SCHIP1: variants seen among roughly 807,000 people sequenced by gnomAD.
SCHIP1 encodes the protein schwannomin-interacting protein 1.
In SCHIP1, 8 loss-of-function variants were observed where a neutral mutation model predicts 29.7. That is an observed-to-expected ratio of 0.27 (90% CI 0.16 to 0.49). The LOEUF (loss-of-function observed/expected upper bound fraction) is 0.49. Ranked by LOEUF, SCHIP1 falls within the 20% of genes least tolerant of loss-of-function variation. The pLI is 0.99. For synonymous variants in SCHIP1, 76 were observed against 94.9 expected, an observed-to-expected ratio of 0.80 and a Z score of 1.16; for missense variants, 193 against 294.6, an observed-to-expected ratio of 0.66 and a Z score of 2.52.
the SCHIP1 span, among the ~76,000 whole-genome samples, chr3:159,711,696 T>C: frequency 2.2e-4 from 33 of 152,316 alleles, no homozygotes; most frequent in South Asian, 6.6e-3. Context: ...TCCTGTGTAT[T>C]AGAGTTCTAT....
the SCHIP1 span, among the ~76,000 whole-genome samples, chr3:159,469,685 C>T: frequency 2.1e-4 from 32 of 152,124 alleles, no homozygotes; most frequent in South Asian, 6.4e-3. Context: ...ATTTTCTCTC[C>T]CTCAGACCAA....
the SCHIP1 span, among the ~76,000 whole-genome samples, chr3:159,412,202 T>G: frequency 1.3e-5 from 2 of 152,182 alleles, no homozygotes; most frequent in East Asian, 3.9e-4. Context: ...TGAAACAAGA[T>G]TTTGGACCCA....
At chr3:159,439,855 G>T in the SCHIP1 span, among the ~76,000 whole-genome samples, 2 of 151,934 alleles carry the variant, frequency 1.3e-5, no homozygotes, top group Admixed American at 1.3e-4. Context: ...TTGATAGTTT[G>T]TTTTGCTGTG....
At chr3:159,881,688 C>G (rs936432400) in intron 2 of SCHIP1, among the ~76,000 whole-genome samples, 1 of 152,180 alleles carries the variant, frequency 6.6e-6, no homozygotes. Context: ...AGCCTGTAGC[C>G]TCTTGCTTCG....
the SCHIP1 span, among the ~76,000 whole-genome samples, chr3:159,473,299 A>T: frequency 2.0e-5 from 3 of 152,182 alleles, no homozygotes; most frequent in Non-Finnish European, 4.4e-5. Flanking sequence ...CCATATTTTT[A>T]AAAATATCAC....
At chr3:159,582,900 T>C in the SCHIP1 span, among the ~76,000 whole-genome samples, 1 of 152,036 alleles carries the variant, frequency 6.6e-6, no homozygotes, top group Admixed American at 6.6e-5. Flanking sequence ...TTAATTAATA[T>C]AGTTGGTAAT....
the SCHIP1 span, among the ~76,000 whole-genome samples, chr3:159,460,726 C>T: frequency 6.6e-6 from 1 of 152,018 alleles, no homozygotes; most frequent in East Asian, 1.9e-4. Context: ...CCCAAGACCC[C>T]CTTAGTCTTG....
chr3:159,681,468 G>A, the SCHIP1 span, among the ~76,000 whole-genome samples: 1 of 152,080 alleles, frequency 6.6e-6, no homozygotes, highest in African/African-American at 2.4e-5. Context: ...TTTCCCTCCA[G>A]TTCCTGCTCA....
At chr3:159,304,760 A>G in the SCHIP1 span, among the ~76,000 whole-genome samples, 18 of 152,116 alleles carry the variant, frequency 1.2e-4, no homozygotes, top group Non-Finnish European at 1.8e-4. Flanking sequence ...CCACCTGGGA[A>G]TATTGGCCTG....
chr3:159,308,513 C>G, the SCHIP1 span, among the ~76,000 whole-genome samples: 1 of 151,904 alleles, frequency 6.6e-6, no homozygotes, highest in Non-Finnish European at 1.5e-5. Flanking sequence ...CATTATTAAA[C>G]AGATGCTGGT....
chr3:159,401,786 G>T, the SCHIP1 span, among the ~76,000 whole-genome samples: 1 of 152,132 alleles, frequency 6.6e-6, no homozygotes, highest in Non-Finnish European at 1.5e-5. Flanking sequence ...ATGGTTTTAG[G>T]TCTAACATGT....
the SCHIP1 span, among the ~76,000 whole-genome samples, chr3:159,563,314 C>T: frequency 1.4e-4 from 22 of 152,088 alleles, no homozygotes; most frequent in East Asian, 3.1e-3. Flanking sequence ...CACAATGTTA[C>T]GTAAGAGGAA....
chr3:159,868,022 G>T (rs1714829365), intron 2 of SCHIP1, among the ~76,000 whole-genome samples: 1 of 145,608 alleles, frequency 6.9e-6, no homozygotes, highest in African/African-American at 2.5e-5. Flanking sequence ...ATAAATCAAT[G>T]ATTTTTATAT....
chr3:159,520,952 A>AT, the SCHIP1 span, among the ~76,000 whole-genome samples: 2 of 152,230 alleles, frequency 1.3e-5, no homozygotes, highest in African/African-American at 4.8e-5. Flanking sequence ...ATGAACTGTG[A>AT]TTTTAAACCC....
At chr3:159,888,693 G>T in intron 4 of SCHIP1, 127 bp from the exon 6 acceptor site, 1 of 1,403,132 alleles carries the variant, frequency 7.1e-7, no homozygotes. Flanking sequence ...ACACAGACTG[G>T]GAAAGCTTTT....
chr3:159,367,264 T>C, the SCHIP1 span, among the ~76,000 whole-genome samples: 1 of 152,126 alleles, frequency 6.6e-6, no homozygotes, highest in African/African-American at 2.4e-5. Flanking sequence ...TGGTGGCGCA[T>C]GCCTGTAATC....
the SCHIP1 span, among the ~76,000 whole-genome samples, chr3:159,331,760 T>C: frequency 6.6e-6 from 1 of 152,180 alleles, no homozygotes; most frequent in African/African-American, 2.4e-5. Context: ...TCTCTCTGCC[T>C]TGAGTCACAC....
the SCHIP1 span, among the ~76,000 whole-genome samples, chr3:159,363,931 C>G: frequency 2.0e-5 from 3 of 152,060 alleles, no homozygotes; most frequent in Non-Finnish European, 4.4e-5. Flanking sequence ...AGGAAAAATA[C>G]ACAGAAACTC....
the SCHIP1 span, among the ~76,000 whole-genome samples, chr3:159,358,139 TG>T: frequency 6.6e-6 from 1 of 152,202 alleles, no homozygotes; most frequent in Non-Finnish European, 1.5e-5. Context: ...ATGGCTGTCA[TG>T]GAAGCAAACT....
Sources: allele counts gnomAD v4.1 joint callset (sites outside exome capture counted in the v4.1 genomes callset), GRCh38; gene constraint gnomAD v4.1.1; transcripts MANE v1.5; gene names NCBI Gene and HGNC (gene_info 2026-07-23, HGNC 2026-07-21).